Variants in AGBL1 observed in about 807,000 individuals in gnomAD.
AGBL1 encodes cytosolic carboxypeptidase 4.
Under a neutral mutation model 118.9 loss-of-function variants are expected in AGBL1, and 130 were observed. That is an observed-to-expected ratio of 1.09 (90% confidence interval 0.95 to 1.26). The LOEUF is 1.26. Among genes scored for constraint, AGBL1 ranks in the 50% most tolerant of loss-of-function variants. The pLI is 0.00. For missense variants in AGBL1, 1,584 were observed against 1,298.1 expected (o/e 1.22, Z -3.38); for synonymous variants, 555 against 478.9 (o/e 1.16, Z -2.08).
intron 23 of AGBL1, among the ~76,000 whole-genome samples, chr15:86,929,584 CA>C (rs10714050): frequency 0.066 from 10,037 of 152,222 alleles, 445 homozygotes; most frequent in South Asian, 0.2. Context: ...CCCAGTCTAG[CA>C]AGTCACAAAA....
chr15:86,288,896 T>C (rs1308246089), intron 16 of AGBL1, among the ~76,000 whole-genome samples: 1 of 152,130 alleles, frequency 6.6e-6, no homozygotes, highest in Non-Finnish European at 1.5e-5. Context: ...TTATGAGTTT[T>C]ATATGTTCAT....
chr15:86,645,931 G>A, intron 21 of AGBL1, among the ~76,000 whole-genome samples: 1 of 152,128 alleles, frequency 6.6e-6, no homozygotes, highest in East Asian at 1.9e-4. Flanking sequence ...AAATTCCTCA[G>A]CTTGCTTTTC....
At chr15:86,482,731 G>A (rs951281485) in intron 18 of AGBL1, among the ~76,000 whole-genome samples, 54 of 151,946 alleles carry the variant, frequency 3.6e-4, no homozygotes, top group Admixed American at 1.3e-4. Flanking sequence ...TCATGTTCTT[G>A]CCACCCAGAA....
intron 22 of AGBL1, among the ~76,000 whole-genome samples, chr15:86,678,786 G>A (rs544881137): frequency 6.6e-6 from 1 of 151,998 alleles, no homozygotes; most frequent in Non-Finnish European, 1.5e-5. Flanking sequence ...TTTATAGTGA[G>A]TATATTTACA....
At chr15:86,922,353 C>A (rs1418902352) in intron 23 of AGBL1, among the ~76,000 whole-genome samples, 1 of 152,208 alleles carries the variant, frequency 6.6e-6, no homozygotes, top group African/African-American at 2.4e-5. Flanking sequence ...TGCAATGGCA[C>A]AATCTCAGCT....
chr15:86,478,728 A>G (rs2082599692), intron 18 of AGBL1, among the ~76,000 whole-genome samples: 1 of 152,200 alleles, frequency 6.6e-6, no homozygotes, highest in South Asian at 2.1e-4. Flanking sequence ...ATTGGAAAAA[A>G]CTACTTTAAA....
At chr15:86,891,250 G>T (rs1421687666) in intron 22 of AGBL1, among the ~76,000 whole-genome samples, 1 of 152,092 alleles carries the variant, frequency 6.6e-6, no homozygotes, top group Non-Finnish European at 1.5e-5. Flanking sequence ...CTGAGACTTT[G>T]CTGAAATTTC....
At chr15:86,154,588 G>C in intron 4 of AGBL1, 27 bp downstream of exon 4, 1 of 1,584,308 alleles carries the variant, frequency 6.3e-7, no homozygotes, top group Non-Finnish European at 8.6e-7. Flanking sequence ...TGGCTCTCGG[G>C]GATGGCTTCC....
intron 13 of AGBL1, among the ~76,000 whole-genome samples, chr15:86,268,069 G>A (rs1458773099): frequency 1.3e-5 from 2 of 152,220 alleles, no homozygotes; most frequent in African/African-American, 4.8e-5. Flanking sequence ...CCTGGCGCAT[G>A]GTCAGCACTT....
chr15:86,620,889 C>G (rs1425500395), intron 21 of AGBL1, among the ~76,000 whole-genome samples: 2 of 151,604 alleles, frequency 1.3e-5, no homozygotes, highest in Admixed American at 6.6e-5. Flanking sequence ...GGCTCTTTTT[C>G]AAGTCGCCTG....
intron 18 of AGBL1, among the ~76,000 whole-genome samples, chr15:86,515,603 G>A (rs1226438619): frequency 6.6e-6 from 1 of 152,032 alleles, no homozygotes; most frequent in Non-Finnish European, 1.5e-5. Flanking sequence ...TTAAATAAAT[G>A]ACCCTTAGTT....
chr15:86,641,180 T>C (rs1852247559), intron 21 of AGBL1, among the ~76,000 whole-genome samples: 1 of 152,156 alleles, frequency 6.6e-6, no homozygotes, highest in South Asian at 2.1e-4. Context: ...TATGATGTTT[T>C]TGACATGTAA....
chr15:86,622,191 G>C (rs1025406364), intron 21 of AGBL1, among the ~76,000 whole-genome samples: 23 of 152,080 alleles, frequency 1.5e-4, no homozygotes, highest in African/African-American at 5.3e-4. Context: ...TTAGCTAAGC[G>C]TGGTGCTGGG....
At chr15:86,732,556 G>A (rs373233155) in intron 22 of AGBL1, among the ~76,000 whole-genome samples, 6 of 152,158 alleles carry the variant, frequency 3.9e-5, no homozygotes, top group African/African-American at 1.4e-4. Flanking sequence ...TTTGAAATGT[G>A]GAGATTAAGA....
At chr15:86,846,227 T>C (rs1359916707) in intron 22 of AGBL1, among the ~76,000 whole-genome samples, 2 of 152,220 alleles carry the variant, frequency 1.3e-5, no homozygotes, top group Non-Finnish European at 2.9e-5. Context: ...CAAGCTTTGA[T>C]TGTCTGGCAA....
chr15:86,222,076 G>T (rs1372885194), intron 5 of AGBL1, among the ~76,000 whole-genome samples: 1 of 152,118 alleles, frequency 6.6e-6, no homozygotes, highest in Non-Finnish European at 1.5e-5. Flanking sequence ...TCCTTTAGGG[G>T]TTTCCTATCC....
intron 17 of AGBL1, among the ~76,000 whole-genome samples, chr15:86,312,978 C>A (rs921015451): frequency 1.3e-5 from 2 of 152,176 alleles, no homozygotes; most frequent in Non-Finnish European, 2.9e-5. Flanking sequence ...AGGATTTATG[C>A]GTCGTTGTAA....
At chr15:86,263,021 T>C in intron 10 of AGBL1, 127 bp downstream of exon 10, 5 of 698,640 alleles carry the variant, frequency 7.2e-6, no homozygotes, top group Non-Finnish European at 1.2e-5. Flanking sequence ...TTCTGGGCTC[T>C]TCCTTAGAGA....
chr15:86,350,130 A>C (rs1191860852), intron 17 of AGBL1, among the ~76,000 whole-genome samples: 1 of 152,218 alleles, frequency 6.6e-6, no homozygotes, highest in Non-Finnish European at 1.5e-5. Flanking sequence ...AATACAGATC[A>C]TGGATGAGGG....
Sources: gnomAD v4.1 joint callset for allele counts (sites outside exome capture counted in the v4.1 genomes callset) on GRCh38, gnomAD v4.1.1 for gene constraint, MANE v1.5 for transcripts, NCBI Gene and HGNC (gene_info 2026-07-23, HGNC 2026-07-21) for gene names.